Variants in GRID1 observed in about 807,000 individuals in gnomAD.
The protein encoded by GRID1 is glutamate ionotropic receptor delta type subunit 1, also known as glutamate receptor ionotropic, delta-1.
GRID1 carries 28 observed loss-of-function variants against 98.0 expected under a neutral mutation model. That is an observed-to-expected ratio of 0.29 (90% CI 0.21 to 0.39). The LOEUF (loss-of-function observed/expected upper bound fraction) is 0.39. Ranked by LOEUF, GRID1 falls within the 10% of genes least tolerant of loss-of-function variation. The pLI is 1.00. For missense variants in GRID1, 1,111 were observed against 1,340.5 expected, an observed-to-expected ratio of 0.83 and a Z score of 2.67; for synonymous variants, 553 against 538.5, an observed-to-expected ratio of 1.03 and a Z score of -0.37.
intron 4 of GRID1, among the ~76,000 whole-genome samples, chr10:86,049,260 T>C (rs1311699042): frequency 1.3e-5 from 2 of 152,138 alleles, no homozygotes; most frequent in Non-Finnish European, 2.9e-5. Flanking sequence ...CCCCCTCTAC[T>C]CCTACCAACA....
intron 10 of GRID1, among the ~76,000 whole-genome samples, chr10:85,727,609 T>C (rs11201754): frequency 0.12 from 18,087 of 152,116 alleles, 1,241 homozygotes; most frequent in Middle Eastern, 0.21. Flanking sequence ...CAGTGGATGA[T>C]AGACTTCAAA....
intron 8 of GRID1, among the ~76,000 whole-genome samples, chr10:85,733,654 T>C (rs1841849290): frequency 6.6e-6 from 1 of 152,176 alleles, no homozygotes; most frequent in African/African-American, 2.4e-5. Flanking sequence ...ATCTATGAAA[T>C]GGGAAATAAA....
At chr10:85,738,991 T>C (rs1841913775) in intron 8 of GRID1, among the ~76,000 whole-genome samples, 1 of 152,172 alleles carries the variant, frequency 6.6e-6, no homozygotes, top group Non-Finnish European at 1.5e-5. Flanking sequence ...GATAGATTTA[T>C]TGCACATACT....
chr10:86,292,644 G>A (rs956603970), intron 2 of GRID1, among the ~76,000 whole-genome samples: 5 of 152,142 alleles, frequency 3.3e-5, no homozygotes, highest in East Asian at 1.9e-4. Context: ...AGGCATTTCC[G>A]TGTGTGCATG....
At chr10:85,903,361 T>A (rs1841415284) in intron 5 of GRID1, among the ~76,000 whole-genome samples, 2 of 152,098 alleles carry the variant, frequency 1.3e-5, no homozygotes, top group South Asian at 4.2e-4. Flanking sequence ...ATAATCCACA[T>A]CTAATCCAAC....
intron 14 of GRID1, among the ~76,000 whole-genome samples, chr10:85,619,017 C>A (rs1282014751): frequency 6.6e-6 from 1 of 152,246 alleles, no homozygotes; most frequent in Non-Finnish European, 1.5e-5. Flanking sequence ...CATTCAGATG[C>A]TTCTGCCTCA....
rs542834319 is a variant in GRID1, at chr10:86,278,709, A to G, written c.236-72061T>C. Reference sequence around the variant, plus strand: ...ATTCCTTGAAAGACACAAACTACTAATGCTCACTCAAGAAGAAACAGATAA... The same window carrying G: ...ATTCCTTGAAAGACACAAACTACTAGTGCTCACTCAAGAAGAAACAGATAA... On this transcript the variant is annotated intron_variant, in intron 2 of 15. Transcript: ENST00000327946. Among the ~76,000 whole-genome samples, 3 of 152,298 alleles carry G rather than the reference A, an allele frequency of 2.0e-5. No individual in the cohort carries two copies. In the East Asian group the frequency reaches 5.8e-4, roughly 29 times the overall value.
At chr10:86,323,958 C>T (rs1369050290) in intron 2 of GRID1, among the ~76,000 whole-genome samples, 5 of 152,186 alleles carry the variant, frequency 3.3e-5, no homozygotes, top group Admixed American at 2.6e-4. Context: ...GTGGGCGAGT[C>T]ACTTGAGGTC....
intron 8 of GRID1, among the ~76,000 whole-genome samples, chr10:85,745,585 G>C (rs1375262500): frequency 8.2e-6 from 1 of 121,256 alleles, no homozygotes; most frequent in Non-Finnish European, 1.8e-5. Flanking sequence ...GGTCGAAGGA[G>C]AGGGGAGGGA....
At chr10:85,634,216 G>A (rs1843007127) in intron 13 of GRID1, among the ~76,000 whole-genome samples, 1 of 147,514 alleles carries the variant, frequency 6.8e-6, no homozygotes, top group South Asian at 2.2e-4. Flanking sequence ...TATAGGGGTA[G>A]TGGGGGAATT....
chr10:85,696,363 A>G (rs1168699359), intron 12 of GRID1, among the ~76,000 whole-genome samples: 1 of 152,062 alleles, frequency 6.6e-6, no homozygotes, highest in East Asian at 1.9e-4. Context: ...CATTCTGAGG[A>G]GGTGACCTTT....
chr10:86,125,760 A>G (rs544127391), intron 4 of GRID1, among the ~76,000 whole-genome samples: 1 of 152,160 alleles, frequency 6.6e-6, no homozygotes, highest in African/African-American at 2.4e-5. Flanking sequence ...CCTACTCAAC[A>G]TGAAGATAAC....
rs1234810038 is a variant in GRID1, at chr10:85,602,505, T to C, written c.2798A>G (p.Glu933Gly). 2.5e-6 allele frequency: 4 copies of C among 1,614,032 alleles called. No homozygotes were observed. The South Asian group carries it at 4.4e-5, about 18-fold the overall frequency. ...CCGGCTGGTGCCATGGCTGCTCTGC[T>C]CTGGCAGAAAGGTGCTGACCGAGAG... ...TQLSVSTFLP[E>G]QSSHGTSRTL... Residue 933 changes from glutamate to glycine, a missense_variant, in exon 16 of 16, where the codon GAG becomes GGG. Glu to Gly is a moderately conservative substitution (Grantham distance 98). Transcript: ENST00000327946.
Position 85,913,834 on chromosome 10 carries a change from T to C in GRID1, c.780+2352A>G, listed in dbSNP as rs975127344. On this transcript the variant is annotated intron_variant, in intron 5 of 15. Transcript: ENST00000327946. ...ATAAAAAAAGAAATATTAGATGTTG[T>C]CCCTTGCCTCATAGAAAAGGAAGCC... 3.9e-5 allele frequency among the ~76,000 whole-genome samples: 6 copies of C among 152,082 alleles called. No individual in the cohort carries two copies. The East Asian group carries it at 7.7e-4, about 20-fold the overall frequency.
intron 3 of GRID1, among the ~76,000 whole-genome samples, chr10:86,155,732 G>A (rs1845235172): frequency 2.0e-5 from 3 of 152,292 alleles, no homozygotes; most frequent in Middle Eastern, 6.8e-3. Flanking sequence ...GAGGGGACAG[G>A]TTAATAGTCC....
At chr10:85,758,699 G>A (rs191857509) in intron 8 of GRID1, among the ~76,000 whole-genome samples, 19 of 152,286 alleles carry the variant, frequency 1.2e-4, no homozygotes, top group Non-Finnish European at 2.5e-4. Context: ...GGTACTGGGA[G>A]GTATGATTTG....
intron 8 of GRID1, among the ~76,000 whole-genome samples, chr10:85,831,516 C>A (rs1564603916): frequency 2.0e-5 from 3 of 152,014 alleles, no homozygotes; most frequent in African/African-American, 7.2e-5. Flanking sequence ...AAATGAGATA[C>A]CGTCTTTTCA....
rs534423044 is a variant in GRID1, at chr10:85,771,231, A to C, written c.1234-41617T>G. 2.0e-5 allele frequency among the ~76,000 whole-genome samples: 3 copies of C among 152,320 alleles called. No homozygotes were observed. In the South Asian group the frequency reaches 6.2e-4, roughly 32 times the overall value. On this transcript the variant is annotated intron_variant, in intron 8 of 15. Coordinates refer to ENST00000327946, the MANE Select transcript of GRID1 (RefSeq NM_017551.3). Reference sequence around the variant, plus strand: ...CATATCCAGCCAAACTAAGATTCATAAGTGAAGGAGAAATAAAATACTTTA... The same window carrying C: ...CATATCCAGCCAAACTAAGATTCATCAGTGAAGGAGAAATAAAATACTTTA...
chr10:86,170,801 C>T (rs1310647202), intron 3 of GRID1, among the ~76,000 whole-genome samples: 1 of 152,176 alleles, frequency 6.6e-6, no homozygotes, highest in African/African-American at 2.4e-5. Context: ...TTTGGGGTCA[C>T]GTTCTAAAAG....
Sources: allele counts gnomAD v4.1 joint callset (sites outside exome capture counted in the v4.1 genomes callset), GRCh38; gene constraint gnomAD v4.1.1; transcripts MANE v1.5; gene names NCBI Gene and HGNC (gene_info 2026-07-23, HGNC 2026-07-21).